SUCLG2: variants seen among roughly 807,000 people sequenced by gnomAD.
SUCLG2 encodes succinate-CoA ligase GDP-forming subunit beta, also known as succinate--CoA ligase [GDP-forming] subunit beta, mitochondrial.
SUCLG2 carries 42 observed loss-of-function variants against 47.9 expected under a neutral mutation model. The ratio of observed to expected loss-of-function variants is 0.88; its 90% CI spans 0.69 to 1.14. SUCLG2 has a LOEUF of 1.14. Among genes scored for constraint, SUCLG2 ranks in the 50% most tolerant of loss-of-function variants. SUCLG2 has a pLI of 0.00. For synonymous variants in SUCLG2, 195 were observed against 197.3 expected (o/e 0.99, Z 0.10); for missense variants, 571 against 525.9 (o/e 1.09, Z -0.84).
At chr3:67,400,073 T>G (rs942348229) in intron 10 of SUCLG2, among the ~76,000 whole-genome samples, 1 of 152,034 alleles carries the variant, frequency 6.6e-6, no homozygotes, top group Non-Finnish European at 1.5e-5. Context: ...GAAAAACACA[T>G]ATGTCTGTGA....
chr3:67,582,865 C>G (rs1707917783), intron 2 of SUCLG2, among the ~76,000 whole-genome samples: 2 of 151,678 alleles, frequency 1.3e-5, no homozygotes, highest in Non-Finnish European at 2.9e-5. Flanking sequence ...CATTCCCCTC[C>G]CCCACCAAAA....
intron 9 of SUCLG2, among the ~76,000 whole-genome samples, chr3:67,437,891 G>A (rs1241508347): frequency 6.6e-6 from 1 of 152,140 alleles, no homozygotes. Context: ...ATGGTTTTAA[G>A]GATATGTCCA....
intron 1 of SUCLG2, among the ~76,000 whole-genome samples, chr3:67,646,062 C>T (rs953576088): frequency 2.3e-5 from 2 of 86,460 alleles, no homozygotes; most frequent in Non-Finnish European, 4.6e-5. Flanking sequence ...GCTGTGGGCA[C>T]GGGGAAGGGA....
intron 2 of SUCLG2, 56 bp from the exon 3 acceptor site, chr3:67,529,242 TAAGCAATAAGGA>T: frequency 1.4e-6 from 2 of 1,420,928 alleles, no homozygotes; most frequent in South Asian, 1.2e-5. Context: ...TTTTGTTTTT[TAAGCAATAAGGA>T]AAGCAATAAT....
rs1195989809 is a variant in SUCLG2, at chr3:67,398,239, C to A, written c.1183+2492G>T. On this transcript the variant is annotated intron_variant, in intron 10 of 10. Transcript: ENST00000307227. ...ACCATCAGAGTGAACAGGCAATCTA[C>A]AAAATGGGAGAAAATTTTCGCAACC... Among the ~76,000 whole-genome samples, 3 of 150,388 alleles carry A rather than the reference C, an allele frequency of 2.0e-5. 1 individual carries two copies. The highest frequency in any genetic ancestry group is 6.7e-5 in the Admixed American group (1 of 15,006).
intron 1 of SUCLG2, among the ~76,000 whole-genome samples, chr3:67,648,603 G>A (rs1292440184): frequency 6.6e-6 from 1 of 152,138 alleles, no homozygotes; most frequent in Non-Finnish European, 1.5e-5. Context: ...AAAACATGGA[G>A]ACTGTGAAAT....
intron 2 of SUCLG2, among the ~76,000 whole-genome samples, chr3:67,601,666 T>G (rs1708420558): frequency 6.6e-6 from 1 of 152,072 alleles, no homozygotes. Flanking sequence ...CCATTCTCAA[T>G]GAGGTAGCTT....
At chr3:67,414,082 A>G (rs1171394165) in intron 9 of SUCLG2, among the ~76,000 whole-genome samples, 5 of 152,200 alleles carry the variant, frequency 3.3e-5, no homozygotes, top group Non-Finnish European at 7.3e-5. Flanking sequence ...TGCTTTGAAT[A>G]TCATGTCAAA....
chr3:67,413,558 T>C (rs1432959893), intron 9 of SUCLG2, among the ~76,000 whole-genome samples: 1 of 152,240 alleles, frequency 6.6e-6, no homozygotes, highest in Non-Finnish European at 1.5e-5. Context: ...CACATTATTC[T>C]GTTCTACTAA....
intron 9 of SUCLG2, among the ~76,000 whole-genome samples, chr3:67,420,941 C>A (rs755803535): frequency 3.0e-4 from 46 of 152,216 alleles, no homozygotes; most frequent in Non-Finnish European, 5.1e-4. Flanking sequence ...TTTTCAATAA[C>A]CATAACTCAG....
intron 9 of SUCLG2, among the ~76,000 whole-genome samples, chr3:67,416,879 T>A (rs1329174906): frequency 6.6e-6 from 1 of 152,196 alleles, no homozygotes; most frequent in Non-Finnish European, 1.5e-5. Flanking sequence ...GCAAGATCAG[T>A]ATGAACTACA....
At chr3:67,616,370 G>T (rs953735264) in intron 1 of SUCLG2, among the ~76,000 whole-genome samples, 1 of 152,084 alleles carries the variant, frequency 6.6e-6, no homozygotes, top group African/African-American at 2.4e-5. Context: ...AATACATACA[G>T]CAGAAGAACA....
At chr3:67,407,289 C>T (rs1287722384) in intron 9 of SUCLG2, among the ~76,000 whole-genome samples, 3 of 152,194 alleles carry the variant, frequency 2.0e-5, no homozygotes. Flanking sequence ...ATCACCCCTC[C>T]TTCTTCATGT....
chr3:67,469,512 G>C (rs1178339273), intron 9 of SUCLG2, among the ~76,000 whole-genome samples: 1 of 147,166 alleles, frequency 6.8e-6, no homozygotes, highest in Admixed American at 6.8e-5. Flanking sequence ...GGTGGATCAC[G>C]AGGTCAGGAG....
intron 2 of SUCLG2, among the ~76,000 whole-genome samples, chr3:67,544,162 C>T (rs1340933153): frequency 6.6e-6 from 1 of 152,076 alleles, no homozygotes; most frequent in East Asian, 1.9e-4. Context: ...AAACAAATTA[C>T]TGAAAATTTT....
At chr3:67,495,766 G>C in intron 9 of SUCLG2, 32 bp downstream of exon 9, 1 of 1,611,274 alleles carries the variant, frequency 6.2e-7, no homozygotes, top group Non-Finnish European at 8.5e-7. Flanking sequence ...ATTAAAACTG[G>C]CATATAATCT....
At chr3:67,406,365 A>G (rs1702808414) in intron 9 of SUCLG2, among the ~76,000 whole-genome samples, 1 of 152,204 alleles carries the variant, frequency 6.6e-6, no homozygotes, top group African/African-American at 2.4e-5. Context: ...AAGGTTCTAT[A>G]TATCTAAAAC....
chr3:67,392,817 C>T (rs74950667), intron 10 of SUCLG2, among the ~76,000 whole-genome samples: 10,955 of 143,742 alleles, frequency 0.076, 399 homozygotes, highest in Middle Eastern at 0.14. Context: ...CTAGTAGTCA[C>T]TGTACTTTTT....
At chr3:67,413,391 T>TTC (rs1702969945) in intron 9 of SUCLG2, among the ~76,000 whole-genome samples, 1 of 152,208 alleles carries the variant, frequency 6.6e-6, no homozygotes, top group African/African-American at 2.4e-5. Flanking sequence ...GGTCTTCCAG[T>TTC]CTGTCTAAAG....
Sources: allele counts gnomAD v4.1 joint callset (sites outside exome capture counted in the v4.1 genomes callset), GRCh38; gene constraint gnomAD v4.1.1; transcripts MANE v1.5; gene names NCBI Gene and HGNC (gene_info 2026-07-23, HGNC 2026-07-21).